The following LILRB5 variants were observed in gnomAD, a reference collection of about 807,000 sequenced individuals.
LILRB5 encodes the protein leukocyte immunoglobulin-like receptor subfamily B member 5.
In LILRB5, 61 loss-of-function variants were observed where a neutral mutation model predicts 68.4. That is an observed-to-expected ratio of 0.89 (90% CI 0.73 to 1.10). The LOEUF (loss-of-function observed/expected upper bound fraction) is 1.10, where lower values mean the gene tolerates loss of function less well. Among genes scored for constraint, LILRB5 ranks in the 50% least tolerant of loss-of-function variants. LILRB5 has a pLI of 0.00. For synonymous variants in LILRB5, 356 were observed against 315.8 expected (o/e 1.13, Z -1.35); for missense variants, 771 against 751.6 (o/e 1.03, Z -0.30).
rs373742977 is a variant in LILRB5 at position 54,256,815 on chromosome 19, C to T, written c.71-42G>A. The T allele has an allele frequency of 5.5e-4, 886 of 1,610,628 alleles. 5 individuals carry two copies. The South Asian group carries it at 6.7e-3, about 12-fold the overall frequency. On this transcript the variant is annotated intron_variant, in intron 2 of 12. Transcript: ENST00000449561. ...GGCTGGATCCCAAGACATCCCCATC[C>T]CTCAGATTCCAGCTCTCAGCCCCAG...
intron 11 of LILRB5, 107 bp downstream of exon 11, chr19:54,252,259 C>G (rs190991246): frequency 2.0e-5 from 28 of 1,412,756 alleles, no homozygotes; most frequent in Non-Finnish European, 2.7e-5. Context: ...CAGACCGCCT[C>G]CCCCTTGGCC....
Position 54,254,633 on chromosome 19 carries a change from C to T in LILRB5, c.1255+102G>A, listed in dbSNP as rs762323759. The T allele has an allele frequency of 7.5e-6, 11 of 1,463,762 alleles. No individual in the cohort carries two copies. In the African/African-American group the frequency reaches 1.5e-4, roughly 20 times the overall value. The allele number at this position is 1,463,762 out of a possible 1,614,324, so 90.7% of individuals were successfully genotyped here. ...CCCTCTGGCTGAGCCCCCCTCAAAC[C>T]CTCCCCCCCGCACCGCGACTCCATC... On this transcript the variant is annotated intron_variant, in intron 6 of 12. Coordinates refer to ENST00000449561, the MANE Select transcript of LILRB5 (RefSeq NM_001081442.3).
intron 7 of LILRB5, 73 bp downstream of exon 7, chr19:54,254,292 A>T (rs935639485): frequency 7.9e-6 from 12 of 1,511,212 alleles, no homozygotes; most frequent in Non-Finnish European, 1.1e-5. Context: ...GGGGAATAGG[A>T]TCCTCGGGGA....
chr19:54,254,045 T>C lies in LILRB5; in HGVS notation c.1330A>G (p.Thr444Ala), dbSNP rs2079040294. Residue 444 changes from threonine (T) to alanine (A), a missense_variant, in exon 8 of 13, where the codon ACC becomes GCC. Coordinates refer to ENST00000449561, the MANE Select transcript of LILRB5 (RefSeq NM_001081442.3). ...CTCTGGGGATCCAACCCCGTGGGGG[T>C]GAGGGGCTGGTCCTCAGGGCCTGCT... ...TPAGPEDQPL[T>A]PTGLDPQSGL... The C allele has an allele frequency of 6.3e-7, 1 of 1,597,402 alleles. No individual in the cohort carries two copies. Among genetic ancestry groups the C allele is most frequent in the Non-Finnish European group, 8.5e-7 (1 of 1,171,742 alleles).
At position 54,250,818 on chromosome 19, in the gene LILRB5, G is replaced by C. The variant is rs1319407371; in HGVS notation, c.1744C>G (p.Pro582Ala). Residue 582 changes from proline (P) to alanine (A), a missense_variant, in exon 13 of 13, where the codon CCC becomes GCC. Coordinates refer to ENST00000449561, the MANE Select transcript of LILRB5 (RefSeq NM_001081442.3). The stretch of plus-strand genomic sequence containing the variant: ...ATGGCCAGGGGGGCGTAGATGCTGG[G>C]TTCAGCTGGAGGTTCCCTTTCCTGG... ...PSQEREPPAE[P>A]SIYAPLAIH The C allele has an allele frequency of 6.2e-7, 1 of 1,613,992 alleles. No individual in the cohort carries two copies. The highest frequency in any genetic ancestry group is 1.7e-5 in the Admixed American group (1 of 59,994).
Position 54,255,024 on chromosome 19 carries a change from G to A in LILRB5, c.966C>T (p.Asp322=), listed in dbSNP as rs780605298. 5 of 1,608,156 alleles carry A rather than the reference G, an allele frequency of 3.1e-6. No individual in the cohort carries two copies. The South Asian group carries it at 4.4e-5, about 14-fold the overall frequency. ...CCGGCTGCACCGAGAGGGCGGGTAT[G>A]TCAGGGATCAGTCCTGGAGAGAAGA... ...LDILIAGLIP[D]IPALSVQPGP... is the part of the protein sequence containing the mutation. The change falls in exon 6 of 13, where the codon GAC becomes GAT. Residue 322 remains aspartate, a synonymous_variant. Coordinates refer to ENST00000449561, the MANE Select transcript of LILRB5 (RefSeq NM_001081442.3).
chr19:54,256,119 G>T lies in LILRB5; in HGVS notation c.579C>A (p.Phe193Leu). ...GPVTPSCRWRFRCYYYYRKNP... is the reference protein window; with the variant it reads ...GPVTPSCRWRLRCYYYYRKNP... The stretch of plus-strand genomic sequence containing the variant: ...TTTTCCTGTAATAGTAATAGCATCT[G>T]AACCTCCACCTGCAGCTGGGGGTCA... Residue 193 changes from phenylalanine to leucine, a missense_variant, in exon 4 of 13, where the codon TTC becomes TTA. Phe to Leu is a conservative substitution (Grantham distance 22). Coordinates refer to ENST00000449561, the MANE Select transcript of LILRB5 (RefSeq NM_001081442.3). The T allele has an allele frequency of 6.2e-7, 1 of 1,607,996 alleles. No individual in the cohort carries two copies. Among genetic ancestry groups the T allele is most frequent in the Non-Finnish European group, 8.5e-7 (1 of 1,177,452 alleles).
intron 9 of LILRB5, 154 bp from the exon 10 acceptor site, chr19:54,252,703 A>C: frequency 1.0e-6 from 1 of 1,003,598 alleles, no homozygotes; most frequent in Non-Finnish European, 1.5e-6. Context: ...AGAATCAAGC[A>C]CTTCCACACA....
At chr19:54,256,416 G>T in intron 3 of LILRB5, 73 bp downstream of exon 3, 2 of 1,594,428 alleles carry the variant, frequency 1.3e-6, no homozygotes, top group Non-Finnish European at 1.7e-6. Flanking sequence ...GCTGTGAGAG[G>T]TAGACGTCCC....
chr19:54,252,438 G>A, intron 10 of LILRB5, 35 bp from the exon 11 acceptor site: 2 of 1,614,096 alleles, frequency 1.2e-6, no homozygotes, highest in East Asian at 2.2e-5. Flanking sequence ...GGGGCAGTGA[G>A]GGGGCTGTGC....
chr19:54,255,133 G>T, intron 5 of LILRB5, 96 bp from the exon 6 acceptor site: 1 of 1,484,176 alleles, frequency 6.7e-7, no homozygotes, highest in Non-Finnish European at 9.0e-7. Context: ...TGTTTTCTCT[G>T]AGTCTTCCCC....
In LILRB5 at chr19:54,254,928, A is replaced by G; in HGVS notation, c.1062T>C (p.Phe354=). 2 of 1,613,922 alleles carry G rather than the reference A, an allele frequency of 1.2e-6. No homozygotes were observed. The highest frequency in any genetic ancestry group is 1.7e-6 in the Non-Finnish European group (2 of 1,179,938). ...CQSWHQIDTF[F]LTKEGAAHPP... ...GATGGGCTGCCCCCTCCTTGGTCAAAAAGAAAGTGTCTATCTGATGCCATG... is the reference window on the plus strand; with the variant it reads ...GATGGGCTGCCCCCTCCTTGGTCAAGAAGAAAGTGTCTATCTGATGCCATG... The change falls in exon 6 of 13, where the codon TTT becomes TTC. Residue 354 remains phenylalanine, a synonymous_variant. Coordinates refer to ENST00000449561, the MANE Select transcript of LILRB5 (RefSeq NM_001081442.3).
In LILRB5 at chr19:54,254,060, C is replaced by T; in HGVS notation, c.1315G>A (p.Glu439Lys). Reference sequence around the variant, plus strand: ...CCCGTGGGGGTGAGGGGCTGGTCCTCAGGGCCTGCTGGGTCAGGACGGGGA... The same window carrying T: ...CCCGTGGGGGTGAGGGGCTGGTCCTTAGGGCCTGCTGGGTCAGGACGGGGA... ...TGSTPTPAGP[E>K]DQPLTPTGLD... The change falls in exon 8 of 13, where the codon GAG (glutamate) becomes AAG (lysine). Residue 439 changes from glutamate to lysine, a missense_variant. By Grantham distance (56) the Glu-to-Lys change is moderately conservative. Transcript: ENST00000449561. 1.3e-6 allele frequency: 2 copies of T among 1,598,820 alleles called. No individual in the cohort carries two copies. Among genetic ancestry groups the T allele is most frequent in the Non-Finnish European group, 1.7e-6 (2 of 1,172,610 alleles).
At position 54,252,071 on chromosome 19, in the gene LILRB5, C is replaced by A. The variant is rs1468992206; in HGVS notation, c.1612G>T (p.Val538Leu). 1.9e-6 allele frequency: 3 copies of A among 1,614,028 alleles called. No homozygotes were observed. Among genetic ancestry groups the A allele is most frequent in the Non-Finnish European group, 2.5e-6 (3 of 1,179,966 alleles). The part of the protein sequence containing the change: ...AVKDTQPKDG[V>L]EMDAPAAASE... The stretch of plus-strand genomic sequence containing the variant: ...GGCCTCACCGGAGCATCCATCTCCA[C>A]CCCGTCCTTGGGCTGTGTGTCCTTC... Residue 538 changes from valine to leucine, a missense_variant, in exon 12 of 13, where the codon GTG becomes TTG. Val to Leu is a conservative substitution (Grantham distance 32). Coordinates refer to ENST00000449561, the MANE Select transcript of LILRB5 (RefSeq NM_001081442.3).
rs771548477 is a variant in LILRB5, at chr19:54,254,790, C to T, written c.1200G>A (p.Arg400=). 8.7e-6 allele frequency: 14 copies of T among 1,614,140 alleles called. No homozygotes were observed. The South Asian group carries it at 8.8e-5, about 10-fold the overall frequency. The part of the protein sequence containing the change: ...GGTYRCYSAI[R]SYPYLLSSPS... ...GGCTGGACAGCAGGTAGGGGTAGGA[C>T]CTGATTGCGCTGTAGCATCGGTAGG... The change falls in exon 6 of 13, where the codon AGG becomes AGA. Residue 400 remains arginine, a synonymous_variant. Coordinates refer to ENST00000449561, the MANE Select transcript of LILRB5 (RefSeq NM_001081442.3).
chr19:54,255,219 A>T, intron 5 of LILRB5, 67 bp downstream of exon 5: 1 of 1,570,824 alleles, frequency 6.4e-7, no homozygotes, highest in South Asian at 1.2e-5. Context: ...GGCCATCACT[A>T]ATTGGATTCC....
At chr19:54,253,164 G>A (rs780265440) in intron 8 of LILRB5, 177 bp from the exon 9 acceptor site, 9 of 301,618 alleles carry the variant, frequency 3.0e-5, no homozygotes, top group African/African-American at 8.9e-5. Context: ...GAGGGGAATC[G>A]CCTGCCCCAG....
intron 12 of LILRB5, chr19:54,251,189 G>C (rs1308415188): frequency 1.9e-6 from 3 of 1,575,106 alleles, no homozygotes; most frequent in East Asian, 4.5e-5. Flanking sequence ...GACAGTGGTG[G>C]GGGGTGTCCT....
Position 54,249,798 on chromosome 19 carries a change from T to C in LILRB5, c.*988A>G, listed in dbSNP as rs28510091. ...CTGTAAGCCCAGCACTTTGGGAGGC[T>C]GAGGCGGGCGGATCACCTGAGGTCG... On this transcript the variant is annotated 3_prime_UTR_variant, in exon 13 of 13. Coordinates refer to ENST00000449561, the MANE Select transcript of LILRB5 (RefSeq NM_001081442.3). The C allele has an allele frequency of 0.2, 30,289 of 152,170 alleles. 4,553 individuals carry two copies. Among genetic ancestry groups the C allele is most frequent in the African/African-American group, 0.42 (17,492 of 41,482 alleles). 9.4% of individuals were successfully genotyped at this position (152,170 alleles called of 1,614,324 possible). A position where few individuals can be genotyped will look rare whatever the true frequency, so the allele number is the denominator to read the frequency against.
Sources: gnomAD v4.1 joint callset for allele counts on GRCh38, gnomAD v4.1.1 for gene constraint, MANE v1.5 for transcripts, NCBI Gene and HGNC (gene_info 2026-07-23, HGNC 2026-07-21) for gene names.